VPS13B: variants seen among roughly 807,000 people sequenced by gnomAD.
The protein encoded by VPS13B is vacuolar protein sorting 13 homolog B, also known as intermembrane lipid transfer protein VPS13B.
Under a neutral mutation model 426.4 loss-of-function variants are expected in VPS13B, and 285 were observed. The ratio of observed to expected loss-of-function variants is 0.67; its 90% CI spans 0.61 to 0.74. The LOEUF (loss-of-function observed/expected upper bound fraction) is 0.74, where lower values mean the gene tolerates loss of function less well. VPS13B is among the 30% of genes least tolerant of loss of function. The pLI is 0.00. For missense variants in VPS13B, 4,537 were observed against 4,782.6 expected (o/e 0.95, Z 1.51); for synonymous variants, 1,676 against 1,676.4 (o/e 1.00, Z 0.01).
At chr8:99,255,021 T>A (rs1817677570) in intron 17 of VPS13B, among the ~76,000 whole-genome samples, 2 of 152,212 alleles carry the variant, frequency 1.3e-5, no homozygotes, top group South Asian at 2.1e-4. Context: ...AACTTTCTCA[T>A]AGGTCCTTAA....
At chr8:99,661,629 A>G in intron 35 of VPS13B, 138 bp downstream of exon 35, 1 of 1,049,482 alleles carries the variant, frequency 9.5e-7, no homozygotes, top group Non-Finnish European at 1.4e-6. Context: ...TATGCTTTTC[A>G]GGCTGCCCAT....
chr8:99,720,980 C>T lies in VPS13B; in HGVS notation c.6983C>T (p.Thr2328Ile). ...EPRVLTLVRI[T>I]PVPFNTTEDP... ...AGAGTACTCACCCTTGTACGAATAACTCCTGTACCTTTTAACACCACAGAG... is the reference window on the plus strand; with the variant it reads ...AGAGTACTCACCCTTGTACGAATAATTCCTGTACCTTTTAACACCACAGAG... The change falls in exon 39 of 62, where the codon ACT becomes ATT. Residue 2328 changes from threonine (T) to isoleucine (I), a missense_variant. This residue lies in a region of VPS13B where 4,311 missense variants were observed against 4,474.3 expected (regional missense o/e 0.96). Transcript: ENST00000357162. 2 of 1,614,028 alleles carry T rather than the reference C, an allele frequency of 1.2e-6. No individual in the cohort carries two copies. The highest frequency in any genetic ancestry group is 1.7e-6 in the Non-Finnish European group (2 of 1,179,924).
chr8:99,767,711 T>G (rs1475087129), intron 40 of VPS13B, among the ~76,000 whole-genome samples: 4 of 152,104 alleles, frequency 2.6e-5, no homozygotes, highest in Non-Finnish European at 5.9e-5. Context: ...GGTAGACTGC[T>G]TGAGCCCATG....
chr8:99,596,047 T>C (rs1239401592), intron 33 of VPS13B, among the ~76,000 whole-genome samples: 4 of 151,954 alleles, frequency 2.6e-5, no homozygotes, highest in Admixed American at 6.6e-5. Context: ...GGAACCCTCT[T>C]ACACTGGACC....
intron 33 of VPS13B, among the ~76,000 whole-genome samples, chr8:99,587,026 A>G (rs1215167877): frequency 6.6e-6 from 1 of 151,914 alleles, no homozygotes; most frequent in Non-Finnish European, 1.5e-5. Flanking sequence ...CCTGTGTCCA[A>G]GTGTTCTCAT....
chr8:99,501,690 G>A lies in VPS13B; in HGVS notation c.3874G>A (p.Asp1292Asn), dbSNP rs150662496. The stretch of plus-strand genomic sequence containing the variant: ...TTTTTTTTTCTCCTCATCCCAGGGA[G>A]ATTCTATACAAGCAGGTGAGGAATC... ...SADIGTTTEG[D>N]SIQAGEESPF... is the part of the protein sequence containing the mutation. The change falls in exon 26 of 62, where the codon GAT becomes AAT. Residue 1292 changes from aspartate to asparagine, a missense_variant. Coordinates refer to ENST00000357162, the MANE Select transcript of VPS13B (RefSeq NM_152564.5). 9.9e-6 allele frequency: 16 copies of A among 1,613,832 alleles called. No homozygotes were observed. Among genetic ancestry groups the A allele is most frequent in the Non-Finnish European group, 1.4e-5 (16 of 1,179,940 alleles).
chr8:99,855,942 A>C (rs1816522071), intron 56 of VPS13B, among the ~76,000 whole-genome samples: 1 of 152,242 alleles, frequency 6.6e-6, no homozygotes, highest in Non-Finnish European at 1.5e-5. Context: ...CTTTCCCTTC[A>C]GGCAGCCTTT....
chr8:99,502,842 G>A lies in VPS13B; in HGVS notation c.4049G>A (p.Cys1350Tyr), dbSNP rs1821315723. The change falls in exon 27 of 62, where the codon TGT becomes TAT. Residue 1350 changes from cysteine (C) to tyrosine (Y), a missense_variant. Physicochemically the swap from Cys to Tyr is radical, Grantham distance 194. Around this residue, in one of 2 missense-constraint regions of VPS13B, gnomAD observed 4,311 missense variants for 4,474.3 expected, o/e 0.96. Coordinates refer to ENST00000357162, the MANE Select transcript of VPS13B (RefSeq NM_152564.5). Reference sequence around the variant, plus strand: ...TGCTTGTTTCTTATTGCAGAGGTTTGTATGGTCAGTGAACTAGAAGATCTC... The same window carrying A: ...TGCTTGTTTCTTATTGCAGAGGTTTATATGGTCAGTGAACTAGAAGATCTC... The part of the protein sequence containing the change: ...PDPENKGTEV[C>Y]MVSELEDLSA... The A allele has an allele frequency of 6.2e-7, 1 of 1,610,274 alleles. No homozygotes were observed. The highest frequency in any genetic ancestry group is 8.5e-7 in the Non-Finnish European group (1 of 1,176,726).
In VPS13B at chr8:99,530,613, C is replaced by CAA. The variant is rs1196820876; in HGVS notation, c.4745+9619_4745+9620dup. ...TGGGCAACAGAGTGAGACTCTGTCT[C>CAA]AAAAAAAAAAAAAAAAATAGTAGCA... On this transcript the variant is annotated intron_variant, in intron 30 of 61. Transcript: ENST00000357162. Among the ~76,000 whole-genome samples the CAA allele has an allele frequency of 3.4e-3, 296 of 86,046 alleles. 8 individuals are homozygous for CAA. The East Asian group carries it at 0.058, about 17-fold the overall frequency. The allele number at this position is 86,046 out of a possible 152,430, so 56.4% of individuals were successfully genotyped here. A position where few individuals can be genotyped will look rare whatever the true frequency, so the allele number is the denominator to read the frequency against.
At chr8:99,121,539 G>A in intron 8 of VPS13B, 94 bp downstream of exon 8, 1 of 1,561,526 alleles carries the variant, frequency 6.4e-7, no homozygotes, top group Non-Finnish European at 8.7e-7. Flanking sequence ...AGTTTGCTTT[G>A]CATTCAGTAG....
chr8:99,144,384 C>G (rs908193720), intron 13 of VPS13B, among the ~76,000 whole-genome samples: 1 of 149,958 alleles, frequency 6.7e-6, no homozygotes, highest in African/African-American at 2.5e-5. Context: ...CTGTGGTCTC[C>G]GGGCTGAGCA....
intron 34 of VPS13B, among the ~76,000 whole-genome samples, chr8:99,645,177 A>G (rs1829533833): frequency 6.6e-6 from 1 of 152,202 alleles, no homozygotes; most frequent in African/African-American, 2.4e-5. Context: ...GTTTTAACTG[A>G]TGAATTTTTA....
intron 5 of VPS13B, among the ~76,000 whole-genome samples, chr8:99,109,734 G>T (rs73281661): frequency 0.017 from 2,530 of 152,162 alleles, 65 homozygotes; most frequent in African/African-American, 0.058. Context: ...CTGCAGTAAG[G>T]TTGCCAGAGT....
At chr8:99,048,163 G>A (rs913661059) in intron 3 of VPS13B, among the ~76,000 whole-genome samples, 1 of 152,166 alleles carries the variant, frequency 6.6e-6, no homozygotes, top group African/African-American at 2.4e-5. Context: ...GGTTTTGAAG[G>A]TTCCTTTTGG....
chr8:99,195,081 A>G (rs1015336786), intron 17 of VPS13B, among the ~76,000 whole-genome samples: 21 of 152,006 alleles, frequency 1.4e-4, no homozygotes, highest in Non-Finnish European at 2.9e-4. Context: ...TCTTGACCTC[A>G]TGATCTGCCT....
chr8:99,619,672 G>A (rs2133889890), intron 33 of VPS13B, among the ~76,000 whole-genome samples: 1 of 152,224 alleles, frequency 6.6e-6, no homozygotes, highest in East Asian at 1.9e-4. Context: ...CGGAGTTTGA[G>A]ACCAGCCTGG....
At chr8:99,847,493 A>G (rs1277716928) in intron 54 of VPS13B, among the ~76,000 whole-genome samples, 1 of 152,218 alleles carries the variant, frequency 6.6e-6, no homozygotes, top group Non-Finnish European at 1.5e-5. Context: ...GGCTTTTGAA[A>G]GGACTTATAT....
chr8:99,134,869 G>GA, intron 9 of VPS13B, 142 bp downstream of exon 9: 1 of 1,158,842 alleles, frequency 8.6e-7, no homozygotes, highest in Non-Finnish European at 1.2e-6. Context: ...ACTATCTCAT[G>GA]GATAGTATAA....
At chr8:99,245,124 G>A (rs1323643660) in intron 17 of VPS13B, among the ~76,000 whole-genome samples, 1 of 152,124 alleles carries the variant, frequency 6.6e-6, no homozygotes, top group African/African-American at 2.4e-5. Flanking sequence ...ATAACATAGT[G>A]TTTAAGAACA....
Sources: gnomAD v4.1 joint callset for allele counts (sites outside exome capture counted in the v4.1 genomes callset) on GRCh38, gnomAD v4.1.1 for gene constraint, gnomAD v4.1.1 regional missense constraint, MANE v1.5 for transcripts, NCBI Gene and HGNC (gene_info 2026-07-23, HGNC 2026-07-21) for gene names.